Variants in PDE4D observed in about 807,000 individuals in gnomAD.
PDE4D encodes the protein phosphodiesterase 4D.
PDE4D carries 24 observed loss-of-function variants against 87.4 expected under a neutral mutation model. That is an observed-to-expected ratio of 0.27 (90% confidence interval 0.20 to 0.39). The LOEUF is 0.39. Among genes scored for constraint, PDE4D ranks in the 10% least tolerant of loss-of-function variants. The pLI, the probability that PDE4D is intolerant of heterozygous loss-of-function variation, is 1.00. For synonymous variants in PDE4D, 384 were observed against 383.2 expected, an observed-to-expected ratio of 1.00 and a Z score of -0.02; for missense variants, 714 against 1,041.0, an observed-to-expected ratio of 0.69 and a Z score of 4.32.
rs535598924 is a variant in PDE4D, at chr5:59,004,735, T to C, written c.922-11270A>G. Among the ~76,000 whole-genome samples, 5 of 152,368 alleles carry C rather than the reference T, an allele frequency of 3.3e-5. No individual in the cohort carries two copies. The South Asian group carries it at 8.3e-4, about 25-fold the overall frequency. On this transcript the variant is annotated intron_variant, in intron 6 of 14. Coordinates refer to ENST00000340635, the MANE Select transcript of PDE4D (RefSeq NM_001104631.2). ...CTATGTGAATAGCTGCTGGGACTTTTTGGAAGTTGTGTGGGACACACAGCA... is the reference window on the plus strand; with the variant it reads ...CTATGTGAATAGCTGCTGGGACTTTCTGGAAGTTGTGTGGGACACACAGCA...
At chr5:59,982,355 A>C (rs1762007363) in intron 3 of PDE4D, among the ~76,000 whole-genome samples, 1 of 152,176 alleles carries the variant, frequency 6.6e-6, no homozygotes, top group Non-Finnish European at 1.5e-5. Context: ...TAGCAGATGC[A>C]GCAATGAAAT....
At chr5:59,969,853 T>C (rs766455211) in intron 3 of PDE4D, among the ~76,000 whole-genome samples, 1 of 152,126 alleles carries the variant, frequency 6.6e-6, no homozygotes, top group Non-Finnish European at 1.5e-5. Flanking sequence ...GAACTGTGAG[T>C]CAATTAAACC....
chr5:59,471,018 G>A (rs1312473004), intron 1 of PDE4D, among the ~76,000 whole-genome samples: 1 of 152,150 alleles, frequency 6.6e-6, no homozygotes, highest in Non-Finnish European at 1.5e-5. Context: ...GAGGTGGGAG[G>A]ATTGCTTAAG....
chr5:59,341,629 T>G (rs373677713), intron 1 of PDE4D, among the ~76,000 whole-genome samples: 1 of 152,212 alleles, frequency 6.6e-6, no homozygotes, highest in Admixed American at 6.5e-5. Context: ...ATAATGCGTA[T>G]GCAAACACAC....
At chr5:59,635,323 G>A (rs1393972376) in intron 1 of PDE4D, among the ~76,000 whole-genome samples, 1 of 152,176 alleles carries the variant, frequency 6.6e-6, no homozygotes, top group Non-Finnish European at 1.5e-5. Context: ...AGAGGAGCTG[G>A]TACCGTTCCT....
At chr5:59,512,344 T>A (rs1356705273) in intron 1 of PDE4D, among the ~76,000 whole-genome samples, 1 of 152,172 alleles carries the variant, frequency 6.6e-6, no homozygotes, top group Non-Finnish European at 1.5e-5. Context: ...CAAATCAAAC[T>A]TGTAGCACGC....
intron 9 of PDE4D, among the ~76,000 whole-genome samples, chr5:58,990,213 G>A (rs1000416837): frequency 5.9e-5 from 9 of 152,256 alleles, no homozygotes; most frequent in South Asian, 2.1e-4. Context: ...TTATCATGGA[G>A]GCAGCTCCAG....
At chr5:59,166,829 A>G (rs1308433019) in intron 5 of PDE4D, among the ~76,000 whole-genome samples, 2 of 152,176 alleles carry the variant, frequency 1.3e-5, no homozygotes, top group African/African-American at 4.8e-5. Flanking sequence ...GCTTTTTGGT[A>G]TGTGTGTGTC....
chr5:60,391,933 T>G (rs1320067500), intron 1 of PDE4D, among the ~76,000 whole-genome samples: 1 of 152,102 alleles, frequency 6.6e-6, no homozygotes, highest in African/African-American at 2.4e-5. Flanking sequence ...TAGTACAAAC[T>G]TCCCTGGATT....
intron 1 of PDE4D, among the ~76,000 whole-genome samples, chr5:59,858,771 A>T (rs1281796953): frequency 2.0e-5 from 3 of 152,308 alleles, no homozygotes; most frequent in East Asian, 1.9e-4. Context: ...TTTTGCCTTC[A>T]TGGTGGGATC....
chr5:60,173,961 G>A (rs1783700587), intron 2 of PDE4D, among the ~76,000 whole-genome samples: 1 of 152,144 alleles, frequency 6.6e-6, no homozygotes, highest in South Asian at 2.1e-4. Context: ...CCAGGGCTCT[G>A]CCTTAGGCAA....
intron 1 of PDE4D, among the ~76,000 whole-genome samples, chr5:60,230,599 T>C (rs565266368): frequency 6.6e-6 from 1 of 152,200 alleles, no homozygotes; most frequent in South Asian, 2.1e-4. Flanking sequence ...ACATAACACT[T>C]TTAGGAAAGG....
chr5:59,976,099 T>C (rs925631066), intron 3 of PDE4D, among the ~76,000 whole-genome samples: 3 of 152,184 alleles, frequency 2.0e-5, no homozygotes, highest in Non-Finnish European at 4.4e-5. Flanking sequence ...ACAGCAAATA[T>C]CAGACTCTCA....
intron 1 of PDE4D, among the ~76,000 whole-genome samples, chr5:59,338,885 G>GA (rs1215782963): frequency 5.3e-5 from 8 of 152,090 alleles, no homozygotes; most frequent in South Asian, 2.1e-4. Flanking sequence ...ATAATTTAGA[G>GA]AAAAAACCTC....
At chr5:59,456,543 T>C (rs1799961317) in intron 1 of PDE4D, among the ~76,000 whole-genome samples, 1 of 152,234 alleles carries the variant, frequency 6.6e-6, no homozygotes, top group African/African-American at 2.4e-5. Flanking sequence ...AGATTCATGT[T>C]GTTTTTATGC....
chr5:59,094,327 G>C (rs1424266537), intron 5 of PDE4D, among the ~76,000 whole-genome samples: 2 of 149,506 alleles, frequency 1.3e-5, no homozygotes, highest in Non-Finnish European at 3.0e-5. Context: ...ATAAAAATGT[G>C]TGTGAACAAA....
intron 1 of PDE4D, among the ~76,000 whole-genome samples, chr5:60,318,364 G>C (rs1238086140): frequency 6.6e-6 from 1 of 151,938 alleles, no homozygotes; most frequent in Admixed American, 6.6e-5. Flanking sequence ...CCTTTATTTT[G>C]AGCCTATGTG....
chr5:59,999,474 C>G (rs1383537299), intron 2 of PDE4D, among the ~76,000 whole-genome samples: 1 of 143,966 alleles, frequency 6.9e-6, no homozygotes, highest in African/African-American at 2.6e-5. Flanking sequence ...AGAAGCAAAT[C>G]ACTCTAACTG....
At chr5:59,935,503 G>A (rs1426400414) in intron 3 of PDE4D, among the ~76,000 whole-genome samples, 1 of 152,114 alleles carries the variant, frequency 6.6e-6, no homozygotes, top group South Asian at 2.1e-4. Context: ...GAAATGAACC[G>A]AAGCATTTTA....
Sources: gnomAD v4.1 joint callset for allele counts (sites outside exome capture counted in the v4.1 genomes callset) on GRCh38, gnomAD v4.1.1 for gene constraint, MANE v1.5 for transcripts, NCBI Gene and HGNC (gene_info 2026-07-23, HGNC 2026-07-21) for gene names.